Variants in RCOR1 observed in about 807,000 individuals in gnomAD.
The protein encoded by RCOR1 is REST corepressor 1.
In RCOR1, 12 loss-of-function variants were observed where a neutral mutation model predicts 64.0. The ratio of observed to expected loss-of-function variants is 0.19; its 90% CI spans 0.12 to 0.30. The LOEUF is 0.30. Ranked by LOEUF, RCOR1 falls within the 10% of genes least tolerant of loss-of-function variation. The probability of loss-of-function intolerance (pLI) is 1.00; values close to 1 mark genes in which losing one functional copy is unlikely to be tolerated. For synonymous variants in RCOR1, 279 were observed against 227.2 expected (o/e 1.23, Z -2.05); for missense variants, 502 against 621.2 (o/e 0.81, Z 2.04).
intron 2 of RCOR1, among the ~76,000 whole-genome samples, chr14:102,611,265 G>T (rs1893627914): frequency 6.6e-6 from 1 of 152,042 alleles, no homozygotes; most frequent in Non-Finnish European, 1.5e-5. Context: ...TAGAGATAGG[G>T]TTTCACCATG....
chr14:102,632,993 A>C (rs79024892), intron 2 of RCOR1, among the ~76,000 whole-genome samples: 1 of 151,392 alleles, frequency 6.6e-6, no homozygotes, highest in Non-Finnish European at 1.5e-5. Flanking sequence ...TTTTTTTTAC[A>C]GATGGGGGTC....
In RCOR1 at chr14:102,717,356, G is replaced by A. The variant is rs138232973; in HGVS notation, c.1053+2739G>A. 6.5e-3 allele frequency among the ~76,000 whole-genome samples: 990 copies of A among 152,320 alleles called. 11 individuals are homozygous for A. Among genetic ancestry groups the A allele is most frequent in the Middle Eastern group, 0.024 (7 of 294 alleles). On this transcript the variant is annotated intron_variant, in intron 8 of 11. Transcript: ENST00000262241. ...ATCTCATAGACGCGAAGAGCAGGGC[G>A]TGCTGCTGTCTTTCTTGTGGTTTAG...
At chr14:102,707,030 A>G (rs1053672880) in intron 4 of RCOR1, among the ~76,000 whole-genome samples, 3 of 151,962 alleles carry the variant, frequency 2.0e-5, no homozygotes, top group African/African-American at 7.2e-5. Flanking sequence ...TGTATGTGTA[A>G]TTTCCAATTA....
At chr14:102,609,214 T>C (rs556903797) in intron 2 of RCOR1, among the ~76,000 whole-genome samples, 1 of 151,340 alleles carries the variant, frequency 6.6e-6, no homozygotes, top group African/African-American at 2.4e-5. Context: ...CCTGGCTAAT[T>C]TTTGTATTTT....
intron 2 of RCOR1, among the ~76,000 whole-genome samples, chr14:102,625,423 C>G (rs1893959753): frequency 6.6e-6 from 1 of 150,704 alleles, no homozygotes; most frequent in South Asian, 2.1e-4. Context: ...TTAGTAGAGA[C>G]AGGGTTTCTC....
intron 3 of RCOR1, among the ~76,000 whole-genome samples, chr14:102,683,642 A>G (rs1895349241): frequency 6.6e-6 from 1 of 152,234 alleles, no homozygotes; most frequent in Admixed American, 6.5e-5. Context: ...CTTTGGGCCA[A>G]GCTCTCCTCT....
chr14:102,639,781 C>T (rs1319014161), intron 2 of RCOR1, among the ~76,000 whole-genome samples: 1 of 151,316 alleles, frequency 6.6e-6, no homozygotes, highest in Non-Finnish European at 1.5e-5. Flanking sequence ...GATCTGCCCA[C>T]CTCAGCCTCC....
In RCOR1 at chr14:102,720,959, T is replaced by G. The variant is rs747924292; in HGVS notation, c.1054-48T>G. On this transcript the variant is annotated intron_variant, in intron 8 of 11. Transcript: ENST00000262241. ...GGTTTTTAAGTTCTGTTTTCATACC[T>G]TTATATAGTTTTTATTTTTAAAATG... 6.7e-6 allele frequency: 7 copies of G among 1,046,884 alleles called. No homozygotes were observed. The African/African-American group carries it at 9.8e-5, about 15-fold the overall frequency. The allele number at this position is 1,046,884 out of a possible 1,614,324, so 64.8% of individuals were successfully genotyped here. A position where few individuals can be genotyped will look rare whatever the true frequency, so the allele number is the denominator to read the frequency against.
chr14:102,632,105 G>A (rs115020649), intron 2 of RCOR1, among the ~76,000 whole-genome samples: 3,561 of 148,744 alleles, frequency 0.024, 138 homozygotes, highest in African/African-American at 0.078. Context: ...CCACCGTGCC[G>A]AGCCACCATC....
rs753797528 is a variant in RCOR1 at position 102,593,156 on chromosome 14, C to T, written c.270C>T (p.Gly90=). 5.2e-6 allele frequency: 8 copies of T among 1,529,324 alleles called. No individual in the cohort carries two copies. Among genetic ancestry groups the T allele is most frequent in the South Asian group, 1.2e-5 (1 of 81,638 alleles). 94.7% of individuals were successfully genotyped at this position (1,529,324 alleles called of 1,614,324 possible). ...GNSSSNSWEE[G]SSGSSSDEEH... ...GCAGCAGCAACTCCTGGGAGGAAGG[C>T]AGCTCGGGCTCGTCCAGCGACGAGG... is the stretch of plus-strand genomic sequence containing the variant. The change falls in exon 1 of 12, where the codon GGC becomes GGT. Residue 90 remains glycine (G), a synonymous_variant. Transcript: ENST00000262241.
intron 7 of RCOR1, among the ~76,000 whole-genome samples, chr14:102,712,791 G>A (rs1250180794): frequency 1.3e-5 from 2 of 150,398 alleles, no homozygotes; most frequent in African/African-American, 4.9e-5. Flanking sequence ...AAATCAAATT[G>A]TAGTTGTAGT....
At chr14:102,659,015 C>T (rs373698190) in intron 2 of RCOR1, 47 of 601,200 alleles carry the variant, frequency 7.8e-5, no homozygotes, top group East Asian at 5.7e-4. Context: ...ACACTCAAGT[C>T]GGGGAGATTT....
chr14:102,625,478 C>T (rs554039200), intron 2 of RCOR1, among the ~76,000 whole-genome samples: 1 of 150,610 alleles, frequency 6.6e-6, no homozygotes, highest in East Asian at 2.0e-4. Context: ...CAGGTAATCT[C>T]CCCGCTTCGG....
intron 2 of RCOR1, among the ~76,000 whole-genome samples, chr14:102,625,034 T>C (rs573199540): frequency 6.7e-6 from 1 of 150,284 alleles, no homozygotes; most frequent in African/African-American, 2.5e-5. Flanking sequence ...ACCTGGCTAA[T>C]TAAAAAAGAA....
chr14:102,701,393 AT>A (rs1214665097), intron 4 of RCOR1, 63 bp downstream of exon 4: 6 of 1,293,300 alleles, frequency 4.6e-6, no homozygotes, highest in Non-Finnish European at 6.3e-6. Context: ...AAATAATTAT[AT>A]TTTTTTCTTC....
chr14:102,699,027 C>T lies in RCOR1; in HGVS notation c.446-2251C>T, dbSNP rs8015683. 5.1e-3 allele frequency among the ~76,000 whole-genome samples: 778 copies of T among 152,188 alleles called. 7 individuals are homozygous for T. Among genetic ancestry groups the T allele is most frequent in the African/African-American group, 0.018 (741 of 41,520 alleles). On this transcript the variant is annotated intron_variant, in intron 3 of 11. Coordinates refer to ENST00000262241, the MANE Select transcript of RCOR1 (RefSeq NM_015156.4). Reference sequence around the variant, plus strand: ...TCAGCCTCCCAAGTAGCTGGAACTACAGGCATGCGCCACCACGCCCAGCTA... The same window carrying T: ...TCAGCCTCCCAAGTAGCTGGAACTATAGGCATGCGCCACCACGCCCAGCTA...
At position 102,693,300 on chromosome 14, in the gene RCOR1, G is replaced by C. The variant is rs576509443; in HGVS notation, c.446-7978G>C. Among the ~76,000 whole-genome samples the C allele has an allele frequency of 3.3e-5, 5 of 152,218 alleles. No homozygotes were observed. The South Asian group carries it at 1.0e-3, about 32-fold the overall frequency. Reference sequence around the variant, plus strand: ...CCAGTCAGACATGCGGGTTCCATAAGGGCAGAGATTGTCTATTTTAATCAC... The same window carrying C: ...CCAGTCAGACATGCGGGTTCCATAACGGCAGAGATTGTCTATTTTAATCAC... On this transcript the variant is annotated intron_variant, in intron 3 of 11. Coordinates refer to ENST00000262241, the MANE Select transcript of RCOR1 (RefSeq NM_015156.4).
At chr14:102,720,721 G>C (rs1896154925) in intron 8 of RCOR1, among the ~76,000 whole-genome samples, 1 of 152,162 alleles carries the variant, frequency 6.6e-6, no homozygotes, top group Non-Finnish European at 1.5e-5. Context: ...TAGGTGTTTT[G>C]CTGCTCAGGT....
At position 102,720,932 on chromosome 14, in the gene RCOR1, T is replaced by C. The variant is rs190476713; in HGVS notation, c.1054-75T>C. 1.2e-5 allele frequency: 9 copies of C among 773,636 alleles called. No homozygotes were observed. The Admixed American group carries it at 1.6e-4, about 14-fold the overall frequency. 47.9% of individuals were successfully genotyped at this position (773,636 alleles called of 1,614,324 possible). On this transcript the variant is annotated intron_variant, in intron 8 of 11. Coordinates refer to ENST00000262241, the MANE Select transcript of RCOR1 (RefSeq NM_015156.4). ...CTTTACTCTTGGGTTTTTGTTTCTT[T>C]AGGTTTTTAAGTTCTGTTTTCATAC...
Sources: allele counts gnomAD v4.1 joint callset (sites outside exome capture counted in the v4.1 genomes callset), GRCh38; gene constraint gnomAD v4.1.1; transcripts MANE v1.5; gene names NCBI Gene and HGNC (gene_info 2026-07-23, HGNC 2026-07-21).